The following TEX264 variants were observed in gnomAD, a reference collection of about 807,000 sequenced individuals.
TEX264 encodes the protein testis-expressed protein 264.
TEX264 carries 13 observed loss-of-function variants against 23.4 expected under a neutral mutation model. That is an observed-to-expected ratio of 0.56 (90% confidence interval 0.36 to 0.88). The LOEUF (loss-of-function observed/expected upper bound fraction) is 0.88. Among genes scored for constraint, TEX264 ranks in the 40% least tolerant of loss-of-function variants. The probability of loss-of-function intolerance (pLI) is 0.01; values close to 1 mark genes in which losing one functional copy is unlikely to be tolerated. For missense variants in TEX264, 340 were observed against 406.8 expected (o/e 0.84, Z 1.41); for synonymous variants, 159 against 170.0 (o/e 0.94, Z 0.50).
intron 2 of TEX264, among the ~76,000 whole-genome samples, chr3:51,677,669 C>A (rs923722086): frequency 1.3e-5 from 2 of 152,202 alleles, no homozygotes; most frequent in Admixed American, 6.5e-5. Flanking sequence ...AGGGAGTAGG[C>A]TGGTCCCACC....
intron 3 of TEX264, among the ~76,000 whole-genome samples, chr3:51,694,132 CTTCCTTCCTTCT>C (rs1292181074): frequency 2.8e-5 from 4 of 141,310 alleles, no homozygotes; most frequent in African/African-American, 5.4e-5. Context: ...TCCTTCCTTC[CTTCCTTCCTTCT>C]TTCCTTCTTT....
intron 4 of TEX264, among the ~76,000 whole-genome samples, chr3:51,700,298 C>T (rs972537716): frequency 6.6e-6 from 1 of 152,092 alleles, no homozygotes; most frequent in African/African-American, 2.4e-5. Flanking sequence ...TTTGTGACTT[C>T]TAGGAGTGGT....
intron 3 of TEX264, among the ~76,000 whole-genome samples, chr3:51,698,360 G>A (rs1362346734): frequency 1.3e-5 from 2 of 152,176 alleles, no homozygotes; most frequent in African/African-American, 2.4e-5. Context: ...AGAGCGGGGC[G>A]AATGCTATAA....
At position 51,703,630 on chromosome 3, in the gene TEX264, T is replaced by C; in HGVS notation, c.650-94T>C. 7.7e-7 allele frequency: 1 copy of C among 1,301,172 alleles called. No individual in the cohort carries two copies. The highest frequency in any genetic ancestry group is 1.0e-6 in the Non-Finnish European group (1 of 953,726). 80.6% of individuals were successfully genotyped at this position (1,301,172 alleles called of 1,614,324 possible). ...AGCCCCCTGAGCCCGGGAGGCTGCA[T>C]TATTCATGAGTGCACTGCGTGCTGA... On this transcript the variant is annotated intron_variant, in intron 4 of 4. Transcript: ENST00000341333. The surrounding 1 kb of genome is among the most constrained non-coding windows in gnomAD (Gnocchi z 4.8).
intron 2 of TEX264, among the ~76,000 whole-genome samples, chr3:51,676,430 C>A (rs939253013): frequency 1.3e-5 from 2 of 152,204 alleles, no homozygotes; most frequent in Non-Finnish European, 2.9e-5. Flanking sequence ...TGGCCACTGC[C>A]TCCTGCAGCT....
rs1559675519 is a variant in TEX264 at position 51,684,694 on chromosome 3, A to G, written c.480+60A>G. ...CAGCCAGGCCCCTTGGGTGGAGCTG[A>G]GGAGGACTGCCTAGAATGGGAGGAA... On this transcript the variant is annotated intron_variant, in intron 3 of 4. Transcript: ENST00000341333. 3.2e-6 allele frequency: 5 copies of G among 1,549,240 alleles called. No individual in the cohort carries two copies. The South Asian group carries it at 5.6e-5, about 17-fold the overall frequency.
chr3:51,675,267 G>C (rs1252750171), intron 2 of TEX264, among the ~76,000 whole-genome samples: 1 of 152,230 alleles, frequency 6.6e-6, no homozygotes, highest in East Asian at 1.9e-4. Flanking sequence ...GTCAGAGCTT[G>C]CTAATGTAAC....
intron 3 of TEX264, 66 bp from the exon 4 acceptor site, chr3:51,699,340 C>A (rs189322562): frequency 1.9e-6 from 3 of 1,543,986 alleles, no homozygotes; most frequent in African/African-American, 2.7e-5. Context: ...TTCTGGGGGT[C>A]ACCCAGGGAC....
At chr3:51,699,610 G>A (rs375657144) in intron 4 of TEX264, 36 bp downstream of exon 4, 30 of 1,607,354 alleles carry the variant, frequency 1.9e-5, no homozygotes, top group African/African-American at 4.0e-5. Context: ...GGGCCCTCCT[G>A]GAGCTCCTCT....
chr3:51,702,561 C>G (rs1228784769), intron 4 of TEX264, among the ~76,000 whole-genome samples: 1 of 152,182 alleles, frequency 6.6e-6, no homozygotes, highest in African/African-American at 2.4e-5. Flanking sequence ...AGTCCAGGCG[C>G]CAAGCAGACC....
intron 3 of TEX264, among the ~76,000 whole-genome samples, chr3:51,685,308 C>T (rs1029124746): frequency 6.6e-6 from 1 of 152,184 alleles, no homozygotes; most frequent in African/African-American, 2.4e-5. Context: ...GGAAATGACC[C>T]CAGTTTGGGC....
At position 51,699,517 on chromosome 3, in the gene TEX264, A is replaced by T; in HGVS notation, c.592A>T (p.Thr198Ser). 2 of 1,614,054 alleles carry T rather than the reference A, an allele frequency of 1.2e-6. No homozygotes were observed. Among genetic ancestry groups the T allele is most frequent in the Non-Finnish European group, 1.7e-6 (2 of 1,179,928 alleles). ...CTTCTATGTGCCTGAGATGAAGGAG[A>T]CAGAGTGGAAATGGCGGGGGCTTGT... is the stretch of plus-strand genomic sequence containing the variant. ...GDFYVPEMKE[T>S]EWKWRGLVEA... Residue 198 changes from threonine to serine, a missense_variant, in exon 4 of 5, where the codon ACA becomes TCA. Thr to Ser is a moderately conservative substitution (Grantham distance 58, BLOSUM62 1). Transcript: ENST00000341333.
intron 2 of TEX264, among the ~76,000 whole-genome samples, chr3:51,677,638 T>G (rs896607917): frequency 2.0e-5 from 3 of 152,162 alleles, no homozygotes; most frequent in Non-Finnish European, 4.4e-5. Flanking sequence ...TAGCCATGCC[T>G]CGTCCTGTCC....
intron 2 of TEX264, among the ~76,000 whole-genome samples, chr3:51,676,907 T>C: frequency 6.6e-6 from 1 of 152,210 alleles, no homozygotes; most frequent in Non-Finnish European, 1.5e-5. Flanking sequence ...CCCATCCCAG[T>C]CCTGGGTCAG....
Position 51,677,995 on chromosome 3 carries a change from A to G in TEX264, c.258+3433A>G, listed in dbSNP as rs530450591. On this transcript the variant is annotated intron_variant, in intron 2 of 4. Coordinates refer to ENST00000341333, the MANE Select transcript of TEX264 (RefSeq NM_015926.6). ...CCACCTCAGAGCCCAGCATTCATGG[A>G]GTGTGGGCCATTCCTCTTCAAGGTA... Among the ~76,000 whole-genome samples, 103 of 152,230 alleles carry G rather than the reference A, an allele frequency of 6.8e-4. 1 individual carries two copies. The South Asian group carries it at 0.021, about 31-fold the overall frequency.
chr3:51,696,393 G>T (rs541156521), intron 3 of TEX264, among the ~76,000 whole-genome samples: 26 of 152,282 alleles, frequency 1.7e-4, no homozygotes, highest in African/African-American at 6.0e-4. Context: ...GAGGCAGCTG[G>T]CCTCGCCTTC....
chr3:51,689,751 CA>C (rs2106968445), intron 3 of TEX264, among the ~76,000 whole-genome samples: 1 of 152,324 alleles, frequency 6.6e-6, no homozygotes, highest in African/African-American at 2.4e-5. Flanking sequence ...CCGCCCACTA[CA>C]TGTCTGTTCT....
intron 3 of TEX264, 70 bp downstream of exon 3, chr3:51,684,704 C>T (rs1337506892): frequency 1.7e-5 from 26 of 1,492,520 alleles, no homozygotes; most frequent in Non-Finnish European, 1.6e-5. Context: ...AGGAGGACTG[C>T]CTAGAATGGG....
In TEX264 at chr3:51,677,661, G is replaced by A. The variant is rs903659357; in HGVS notation, c.258+3099G>A. On this transcript the variant is annotated intron_variant, in intron 2 of 4. Transcript: ENST00000341333. ...CCTCGTCCTGTCCTCAGCTGGGCAG[G>A]GAGTAGGCTGGTCCCACCTAGGCTG... Among the ~76,000 whole-genome samples the A allele has an allele frequency of 4.6e-5, 7 of 152,198 alleles. 1 individual carries two copies. Among genetic ancestry groups the A allele is most frequent in the Non-Finnish European group, 1.5e-5 (1 of 68,024 alleles).
Sources: gnomAD v4.1 joint callset for allele counts (sites outside exome capture counted in the v4.1 genomes callset) on GRCh38, gnomAD v4.1.1 for gene constraint, Gnocchi (gnomAD v3.1) non-coding constraint, MANE v1.5 for transcripts, NCBI Gene and HGNC (gene_info 2026-07-23, HGNC 2026-07-21) for gene names.